The following MARCO variants were observed in gnomAD, a reference collection of about 807,000 sequenced individuals.
The protein encoded by MARCO is macrophage receptor with collagenous structure, also known as macrophage receptor MARCO.
In MARCO, 72 loss-of-function variants were observed where a neutral mutation model predicts 70.0. The ratio of observed to expected loss-of-function variants is 1.03; its 90% CI spans 0.85 to 1.25. The LOEUF is 1.25. Ranked by LOEUF, MARCO falls within the 50% of genes most tolerant of loss-of-function variation. MARCO has a pLI of 0.00. For synonymous variants in MARCO, 273 were observed against 243.1 expected (o/e 1.12, Z -1.14); for missense variants, 696 against 659.3 (o/e 1.06, Z -0.61).
At chr2:118,959,314 T>A (rs1415577241) in intron 1 of MARCO, among the ~76,000 whole-genome samples, 1 of 151,492 alleles carries the variant, frequency 6.6e-6, no homozygotes. Flanking sequence ...CATCAAAAAG[T>A]GGGCTAAGGA....
At position 118,970,451 on chromosome 2, in the gene MARCO, C is replaced by T. The variant is rs1164892568; in HGVS notation, c.424+113C>T. 30 of 797,438 alleles carry T rather than the reference C, an allele frequency of 3.8e-5. No individual in the cohort carries two copies. The Admixed American group carries it at 5.4e-4, about 14-fold the overall frequency. 49.4% of individuals were successfully genotyped at this position (797,438 alleles called of 1,614,324 possible). On this transcript the variant is annotated intron_variant, in intron 3 of 16. Transcript: ENST00000327097. ...CCAAGCAAAGTGTGACCTCCAAGAGCCAGGGACTTAGAGCAACCAGCTCAA... is the reference window on the plus strand; with the variant it reads ...CCAAGCAAAGTGTGACCTCCAAGAGTCAGGGACTTAGAGCAACCAGCTCAA...
At chr2:118,958,421 A>C (rs1679878588) in intron 1 of MARCO, among the ~76,000 whole-genome samples, 1 of 148,252 alleles carries the variant, frequency 6.7e-6, no homozygotes, top group Non-Finnish European at 1.5e-5. Flanking sequence ...AAAAAAAAAA[A>C]ATACAATACT....
At chr2:118,967,541 G>A (rs1486676034) in intron 1 of MARCO, among the ~76,000 whole-genome samples, 2 of 152,102 alleles carry the variant, frequency 1.3e-5, no homozygotes, top group Middle Eastern at 3.2e-3. Flanking sequence ...TGGATTCTGG[G>A]GGGTAGGGTG....
intron 1 of MARCO, among the ~76,000 whole-genome samples, chr2:118,966,702 C>T (rs914046420): frequency 2.6e-5 from 4 of 152,156 alleles, no homozygotes; most frequent in Admixed American, 1.3e-4. Context: ...CTGTATTTTC[C>T]ATGCTTGCTC....
intron 1 of MARCO, among the ~76,000 whole-genome samples, chr2:118,966,502 A>G (rs938424688): frequency 1.3e-5 from 2 of 152,206 alleles, no homozygotes; most frequent in Non-Finnish European, 2.9e-5. Context: ...ATAGGTCTAC[A>G]GGCTCAACAT....
intron 1 of MARCO, among the ~76,000 whole-genome samples, chr2:118,964,738 A>T (rs1457594097): frequency 6.6e-6 from 1 of 152,002 alleles, no homozygotes; most frequent in Non-Finnish European, 1.5e-5. Flanking sequence ...AAATATAAAA[A>T]TTAGCCGGGC....
At chr2:118,942,815 A>C (rs10199305) in intron 1 of MARCO, among the ~76,000 whole-genome samples, 2 of 152,198 alleles carry the variant, frequency 1.3e-5, no homozygotes. Context: ...CTTCTTTAAA[A>C]TTCTTTAAGG....
intron 1 of MARCO, among the ~76,000 whole-genome samples, chr2:118,952,387 C>CA (rs2104552053): frequency 6.6e-6 from 1 of 152,232 alleles, no homozygotes; most frequent in Admixed American, 6.5e-5. Context: ...TTAGTGTTGG[C>CA]GTGCAGGTAT....
At chr2:118,983,599 A>G (rs1680433716) in intron 12 of MARCO, among the ~76,000 whole-genome samples, 2 of 152,138 alleles carry the variant, frequency 1.3e-5, no homozygotes, top group Admixed American at 1.3e-4. Flanking sequence ...GTCTCACCAT[A>G]GGAAAGTTTC....
At chr2:118,950,628 A>T (rs1679704299) in intron 1 of MARCO, among the ~76,000 whole-genome samples, 1 of 152,356 alleles carries the variant, frequency 6.6e-6, no homozygotes, top group East Asian at 1.9e-4. Context: ...CATTTCTTGC[A>T]TAAATTCCCT....
intron 1 of MARCO, among the ~76,000 whole-genome samples, chr2:118,946,555 G>A (rs1358965939): frequency 1.3e-5 from 2 of 152,032 alleles, no homozygotes; most frequent in African/African-American, 2.4e-5. Flanking sequence ...ATCAAAGATT[G>A]TTTAACATTC....
chr2:118,976,953 C>T (rs1558667806), intron 6 of MARCO, among the ~76,000 whole-genome samples: 1 of 152,294 alleles, frequency 6.6e-6, no homozygotes, highest in Middle Eastern at 3.4e-3. Flanking sequence ...CATGATTCTG[C>T]AGGCTGGGAA....
intron 12 of MARCO, among the ~76,000 whole-genome samples, chr2:118,987,160 A>G (rs1371205284): frequency 2.0e-5 from 3 of 152,236 alleles, no homozygotes; most frequent in Non-Finnish European, 4.4e-5. Flanking sequence ...CTTTGCAAGT[A>G]AATATTTGGA....
rs1195824819 is a variant in MARCO at position 118,993,138 on chromosome 2, T to C, written c.1267T>C (p.Ser423Pro). Residue 423 changes from serine (S) to proline (P), a missense_variant, in exon 16 of 17, where the codon TCC (serine) becomes CCC (proline). Around this residue, in one of 3 missense-constraint regions of MARCO, gnomAD observed 605 missense variants for 537.6 expected, o/e 1.13. Coordinates refer to ENST00000327097, the MANE Select transcript of MARCO (RefSeq NM_006770.4). The part of the protein sequence containing the change: ...EKGERGENSV[S>P]VRIVGSSNRG... ...TCTTCACCCAGGTGAAAACTCAGTGTCCGTCAGGATTGTCGGCAGTAGTAA... is the reference window on the plus strand; with the variant it reads ...TCTTCACCCAGGTGAAAACTCAGTGCCCGTCAGGATTGTCGGCAGTAGTAA... 3 of 1,614,242 alleles carry C rather than the reference T, an allele frequency of 1.9e-6. No individual in the cohort carries two copies. The Admixed American group carries it at 5.0e-5, about 27-fold the overall frequency.
chr2:118,971,923 A>T (rs1048080851), intron 4 of MARCO, among the ~76,000 whole-genome samples: 1 of 152,058 alleles, frequency 6.6e-6, no homozygotes, highest in Non-Finnish European at 1.5e-5. Context: ...GCTCATTTCC[A>T]TGGTGTCTCA....
chr2:118,969,387 A>T, intron 2 of MARCO, 126 bp downstream of exon 2: 1 of 687,410 alleles, frequency 1.5e-6, no homozygotes, highest in Non-Finnish European at 2.6e-6. Flanking sequence ...GCTGGGAGAC[A>T]GTCTCAGCCC....
rs538194432 is a variant in MARCO, at chr2:118,942,535, T to C, written c.97+138T>C. ...TTGCACGTAATCATCACTAATACTG[T>C]CTGGAGTGCTTCAATTTGGAATTTC... On this transcript the variant is annotated intron_variant, in intron 1 of 16. Transcript: ENST00000327097. The C allele has an allele frequency of 1.6e-5, 10 of 611,228 alleles. No homozygotes were observed. In the East Asian group the frequency reaches 2.5e-4, roughly 15 times the overall value. 37.9% of individuals were successfully genotyped at this position (611,228 alleles called of 1,614,324 possible).
At chr2:118,987,841 T>G (rs551046795) in intron 12 of MARCO, among the ~76,000 whole-genome samples, 1 of 152,332 alleles carries the variant, frequency 6.6e-6, no homozygotes, top group African/African-American at 2.4e-5. Flanking sequence ...GTTTGACTAC[T>G]CCTCTTTTAG....
In MARCO at chr2:118,990,559, T is replaced by TC. The variant is rs3835093; in HGVS notation, c.1064-20dup. The TC allele has an allele frequency of 3.8e-3, 4,956 of 1,305,716 alleles. 25 individuals carry two copies. Among genetic ancestry groups the TC allele is most frequent in the African/African-American group, 0.032 (2,123 of 66,836 alleles). 80.9% of individuals were successfully genotyped at this position (1,305,716 alleles called of 1,614,324 possible). A position where few individuals can be genotyped will look rare whatever the true frequency, so the allele number is the denominator to read the frequency against. On this transcript the variant is annotated intron_variant, in intron 12 of 16. Coordinates refer to ENST00000327097, the MANE Select transcript of MARCO (RefSeq NM_006770.4). ...CTAATACCTAAGTTTTATTATCTCC[T>TC]CCCCCCCCCCTTTTTTGTTTTGATC...
Sources: allele counts gnomAD v4.1 joint callset (sites outside exome capture counted in the v4.1 genomes callset), GRCh38; gene constraint gnomAD v4.1.1; regional missense constraint gnomAD v4.1.1; transcripts MANE v1.5; gene names NCBI Gene and HGNC (gene_info 2026-07-23, HGNC 2026-07-21).